Variants in PARD3B observed in about 807,000 individuals in gnomAD.
PARD3B encodes par-3 family cell polarity regulator beta.
In PARD3B, 103 loss-of-function variants were observed where a neutral mutation model predicts 130.2. The ratio of observed to expected loss-of-function variants is 0.79; its 90% CI spans 0.67 to 0.93. PARD3B has a LOEUF of 0.93. PARD3B is among the 40% of genes least tolerant of loss of function. The probability of loss-of-function intolerance (pLI) is 0.00; values close to 1 mark genes in which losing one functional copy is unlikely to be tolerated. For synonymous variants in PARD3B, 583 were observed against 553.2 expected, an observed-to-expected ratio of 1.05 and a Z score of -0.76; for missense variants, 1,609 against 1,499.2, an observed-to-expected ratio of 1.07 and a Z score of -1.21.
chr2:205,482,856 A>G (rs1018012908), intron 20 of PARD3B: 2 of 152,172 alleles, frequency 1.3e-5, no homozygotes, highest in Non-Finnish European at 2.9e-5. Context: ...CTATTTCTCC[A>G]CTGACAAGGA....
In PARD3B at chr2:205,407,689, A is replaced by C. The variant is rs748342060; in HGVS notation, c.2741+6566A>C. 6.6e-6 allele frequency among the ~76,000 whole-genome samples: 1 copy of C among 152,170 alleles called. No individual in the cohort carries two copies. The highest frequency in any genetic ancestry group is 1.5e-5 in the Non-Finnish European group (1 of 68,024). Reference sequence around the variant, plus strand: ...AAATATGTCCCCCTCCTCATCATTAATTTAGTATTACTATCCTGAGAAAAA... The same window carrying C: ...AAATATGTCCCCCTCCTCATCATTACTTTAGTATTACTATCCTGAGAAAAA... On this transcript the variant is annotated intron_variant, in intron 19 of 22. Transcript: ENST00000406610. The surrounding 1 kb of genome is among the most constrained non-coding windows in gnomAD (Gnocchi z 4.1).
intron 10 of PARD3B, among the ~76,000 whole-genome samples, chr2:205,156,295 G>C (rs1426110140): frequency 6.6e-6 from 1 of 150,572 alleles, no homozygotes; most frequent in Admixed American, 6.6e-5. Flanking sequence ...ATAGCATTAG[G>C]AGATATACCT....
chr2:205,436,441 T>C (rs994161772), intron 19 of PARD3B, among the ~76,000 whole-genome samples: 2 of 152,206 alleles, frequency 1.3e-5, no homozygotes, highest in Admixed American at 6.6e-5. Flanking sequence ...CAGCATGAGT[T>C]TGCCTGCATT....
intron 2 of PARD3B, among the ~76,000 whole-genome samples, chr2:204,869,476 A>C (rs2045554028): frequency 6.6e-6 from 1 of 152,214 alleles, no homozygotes; most frequent in East Asian, 1.9e-4. Context: ...TTATTAGACC[A>C]CTGACAATTT....
intron 2 of PARD3B, among the ~76,000 whole-genome samples, chr2:204,709,220 T>C (rs953790642): frequency 1.3e-5 from 2 of 152,220 alleles, no homozygotes; most frequent in Non-Finnish European, 2.9e-5. Context: ...AAAGTTCTGA[T>C]AGAAGAGTTC....
chr2:204,746,994 T>C (rs2040260387), intron 2 of PARD3B, among the ~76,000 whole-genome samples: 1 of 152,218 alleles, frequency 6.6e-6, no homozygotes, highest in Admixed American at 6.5e-5. Flanking sequence ...AGATCCCATT[T>C]GTCAATTTTG....
chr2:204,918,993 A>G (rs1482580488), intron 2 of PARD3B, among the ~76,000 whole-genome samples: 1 of 151,932 alleles, frequency 6.6e-6, no homozygotes, highest in Non-Finnish European at 1.5e-5. Context: ...TTTTTTCCAC[A>G]TTTTATGAAA....
At chr2:205,087,118 A>G (rs1701786819) in intron 4 of PARD3B, among the ~76,000 whole-genome samples, 1 of 152,150 alleles carries the variant, frequency 6.6e-6, no homozygotes, top group Non-Finnish European at 1.5e-5. Context: ...TTCTTTGATG[A>G]GGAGAGTATT....
intron 2 of PARD3B, among the ~76,000 whole-genome samples, chr2:204,728,267 G>A (rs2039328997): frequency 6.6e-6 from 1 of 152,072 alleles, no homozygotes; most frequent in Admixed American, 6.6e-5. Context: ...AAGTTGTTGG[G>A]TAAGTGACTG....
chr2:204,969,308 G>C (rs1051848349), intron 3 of PARD3B, among the ~76,000 whole-genome samples: 1 of 152,176 alleles, frequency 6.6e-6, no homozygotes, highest in Admixed American at 6.5e-5. Flanking sequence ...GAGCGCTTAA[G>C]TTCTAGATGC....
intron 2 of PARD3B, among the ~76,000 whole-genome samples, chr2:204,823,642 G>T (rs577988745): frequency 6.6e-6 from 1 of 152,144 alleles, no homozygotes; most frequent in African/African-American, 2.4e-5. Flanking sequence ...GAAAAATATA[G>T]AACTACATTG....
intron 2 of PARD3B, among the ~76,000 whole-genome samples, chr2:204,952,037 G>T (rs1013680043): frequency 1.3e-5 from 2 of 152,128 alleles, no homozygotes; most frequent in Non-Finnish European, 2.9e-5. Context: ...TACATAAAAT[G>T]TTATTTTTTC....
At chr2:205,464,181 A>G (rs947931608) in intron 20 of PARD3B, among the ~76,000 whole-genome samples, 11 of 152,156 alleles carry the variant, frequency 7.2e-5, no homozygotes, top group Non-Finnish European at 1.5e-4. Flanking sequence ...GTTCCTTGGA[A>G]AAAGGTTTGC....
chr2:205,544,478 A>G (rs952802017), intron 21 of PARD3B, among the ~76,000 whole-genome samples: 3 of 152,134 alleles, frequency 2.0e-5, no homozygotes, highest in Non-Finnish European at 2.9e-5. Flanking sequence ...CACAAAGTGC[A>G]TCTGATAGAT....
rs2046452372 is a variant in PARD3B, at chr2:205,407,554, C to T, written c.2741+6431C>T. ...TCAATTCTAAGACCTAAGTTTGTAA[C>T]CTTTTACAAAGTATGAAATTAATCA... On this transcript the variant is annotated intron_variant, in intron 19 of 22. Transcript: ENST00000406610. This position sits in a 1 kb window ranked among gnomAD's most constrained non-coding sequence, Gnocchi z 4.1. 1.3e-5 allele frequency among the ~76,000 whole-genome samples: 2 copies of T among 152,096 alleles called. No individual in the cohort carries two copies. The highest frequency in any genetic ancestry group is 4.1e-4 in the South Asian group (2 of 4,824).
At chr2:205,605,205 C>G (rs1453651528) in intron 22 of PARD3B, among the ~76,000 whole-genome samples, 1 of 152,238 alleles carries the variant, frequency 6.6e-6, no homozygotes, top group Non-Finnish European at 1.5e-5. Context: ...AAGCCTACTT[C>G]TATCAATTCA....
At chr2:205,140,866 G>T (rs1177118713) in intron 10 of PARD3B, among the ~76,000 whole-genome samples, 1 of 152,076 alleles carries the variant, frequency 6.6e-6, no homozygotes, top group Non-Finnish European at 1.5e-5. Flanking sequence ...AGAAAAAAAT[G>T]AAGTCGAAAA....
At chr2:205,511,877 A>G (rs1380321503) in intron 21 of PARD3B, among the ~76,000 whole-genome samples, 1 of 152,230 alleles carries the variant, frequency 6.6e-6, no homozygotes, top group Non-Finnish European at 1.5e-5. Flanking sequence ...ATAACCAACC[A>G]ATCAGGTCAC....
In PARD3B at chr2:204,664,854, TTCTCACTC is replaced by T. The variant is rs1469429756; in HGVS notation, c.121-21322_121-21315del. The stretch of plus-strand genomic sequence containing the variant: ...AACAGTTTGAGGTATAATCAGTGTC[TTCTCACTC>T]TCTCCTTTTCTTTCATCTCATTCTT... On this transcript the variant is annotated intron_variant, in intron 1 of 22. Coordinates refer to ENST00000406610, the MANE Select transcript of PARD3B (RefSeq NM_001302769.2). This position sits in a 1 kb window ranked among gnomAD's most constrained non-coding sequence, Gnocchi z 5.2. Among the ~76,000 whole-genome samples the T allele has an allele frequency of 2.0e-5, 3 of 152,326 alleles. No individual in the cohort carries two copies. Among genetic ancestry groups the T allele is most frequent in the Non-Finnish European group, 4.4e-5 (3 of 68,030 alleles).
Sources: allele counts gnomAD v4.1 joint callset (sites outside exome capture counted in the v4.1 genomes callset), GRCh38; gene constraint gnomAD v4.1.1; non-coding constraint Gnocchi (gnomAD v3.1); transcripts MANE v1.5; gene names NCBI Gene and HGNC (gene_info 2026-07-23, HGNC 2026-07-21).